The following TNC variants were observed in gnomAD, a reference collection of about 807,000 sequenced individuals.
The protein encoded by TNC is tenascin C, also known as tenascin.
In TNC, 109 loss-of-function variants were observed where a neutral mutation model predicts 202.4. The observed-to-expected ratio is 0.54, with a 90% CI of 0.46 to 0.63. TNC has a LOEUF of 0.63. TNC is among the 30% of genes least tolerant of loss of function. The pLI is 0.00. For synonymous variants in TNC, 1,007 were observed against 1,089.7 expected (o/e 0.92, Z 1.50); for missense variants, 2,756 against 2,833.3 (o/e 0.97, Z 0.62).
chr9:115,103,596 C>T (rs1836398842), intron 1 of TNC, among the ~76,000 whole-genome samples: 1 of 152,116 alleles, frequency 6.6e-6, no homozygotes, highest in South Asian at 2.1e-4. Context: ...CTTGAGGTCT[C>T]AGTTTCTCTT....
At chr9:115,098,938 A>ATTTTTTTTTTTT (rs35624621) in intron 1 of TNC, among the ~76,000 whole-genome samples, 2 of 127,328 alleles carry the variant, frequency 1.6e-5, no homozygotes. Flanking sequence ...TTAAGTGTGT[A>ATTTTTTTTTTTT]TTTTTTTTTT....
At chr9:115,027,515 A>G (rs1587992949) in intron 25 of TNC, among the ~76,000 whole-genome samples, 2 of 151,874 alleles carry the variant, frequency 1.3e-5, no homozygotes, top group Admixed American at 6.5e-5. Flanking sequence ...GCTTGAACCC[A>G]GGAGGCAGAG....
In TNC at chr9:115,090,906, T is replaced by C. The variant is rs1319419219; in HGVS notation, c.113A>G (p.Asn38Ser). ...CTGGTTCTCTTCTGGCAGGGTGGCG[T>C]TCACCCCACTCTGTCGCTTGTGCCG... is the stretch of plus-strand genomic sequence containing the variant. ...VIRHKRQSGVNATLPEENQPV... is the reference protein window; with the variant it reads ...VIRHKRQSGVSATLPEENQPV... The change falls in exon 2 of 28, where the codon AAC (asparagine) becomes AGC (serine). Residue 38 changes from asparagine (N) to serine (S), a missense_variant. Around this residue, in one of 2 missense-constraint regions of TNC, gnomAD observed 2,559 missense variants for 2,546.0 expected, o/e 1.01. Transcript: ENST00000350763. The C allele has an allele frequency of 1.2e-6, 2 of 1,614,106 alleles. No homozygotes were observed. Among genetic ancestry groups the C allele is most frequent in the African/African-American group, 1.3e-5 (1 of 75,018 alleles).
chr9:115,082,060 A>G lies in TNC; in HGVS notation c.2248-132T>C, dbSNP rs1834347793. 3 of 807,234 alleles carry G rather than the reference A, an allele frequency of 3.7e-6. No individual in the cohort carries two copies. The Admixed American group carries it at 9.3e-5, about 25-fold the overall frequency. 50.0% of individuals were successfully genotyped at this position (807,234 alleles called of 1,614,324 possible). A position where few individuals can be genotyped will look rare whatever the true frequency, so the allele number is the denominator to read the frequency against. On this transcript the variant is annotated intron_variant, in intron 5 of 27. Transcript: ENST00000350763. ...ATTCATTAGGCACTTACTATGCATCAGATCAGTATGTAAGCTACTGAGGAT... is the reference window on the plus strand; with the variant it reads ...ATTCATTAGGCACTTACTATGCATCGGATCAGTATGTAAGCTACTGAGGAT...
At chr9:115,051,331 A>G (rs966863749) in intron 15 of TNC, among the ~76,000 whole-genome samples, 1 of 152,126 alleles carries the variant, frequency 6.6e-6, no homozygotes, top group Non-Finnish European at 1.5e-5. Flanking sequence ...TAAAAAAACC[A>G]GAGAAGTTAA....
chr9:115,064,981 C>A, intron 10 of TNC, 62 bp from the exon 11 acceptor site: 1 of 1,562,902 alleles, frequency 6.4e-7, no homozygotes, highest in Non-Finnish European at 8.6e-7. Context: ...CTTCTGAGAA[C>A]CTGGGAATGG....
intron 22 of TNC, among the ~76,000 whole-genome samples, chr9:115,032,822 G>A (rs1830050039): frequency 6.6e-6 from 1 of 152,222 alleles, no homozygotes; most frequent in South Asian, 2.1e-4. Context: ...GCTGGTCTCT[G>A]TGCTGCTGTA....
chr9:115,030,882 A>G (rs1474239452), intron 23 of TNC, among the ~76,000 whole-genome samples: 1 of 152,220 alleles, frequency 6.6e-6, no homozygotes, highest in Non-Finnish European at 1.5e-5. Context: ...CAGGTTTGCT[A>G]TCTGCAGAAG....
chr9:115,032,078 C>A (rs1255108255), intron 22 of TNC, among the ~76,000 whole-genome samples: 1 of 151,974 alleles, frequency 6.6e-6, no homozygotes, highest in African/African-American at 2.4e-5. Context: ...AGCCATGGGG[C>A]CCAGATATTT....
chr9:115,029,329 T>C (rs150824308), intron 25 of TNC, 31 bp downstream of exon 25: 1 of 1,605,274 alleles, frequency 6.2e-7, no homozygotes, highest in Non-Finnish European at 8.5e-7. Flanking sequence ...GAATCAGGCA[T>C]TTTAGATATA....
chr9:115,055,622 G>A (rs1349635441), intron 15 of TNC: 1 of 152,482 alleles, frequency 6.6e-6, no homozygotes, highest in Non-Finnish European at 1.5e-5. Context: ...GGTCTCATGG[G>A]GGTGATCGGA....
chr9:115,093,959 A>G (rs1054513738), intron 1 of TNC, among the ~76,000 whole-genome samples: 11 of 152,174 alleles, frequency 7.2e-5, no homozygotes, highest in African/African-American at 2.2e-4. Flanking sequence ...GGAAAAATCC[A>G]TTATATTTTC....
intron 1 of TNC, among the ~76,000 whole-genome samples, chr9:115,107,405 T>G (rs2482080): frequency 0.45 from 68,046 of 152,052 alleles, 15,476 homozygotes; most frequent in Admixed American, 0.52. Flanking sequence ...TAGTAGTTAT[T>G]CAATAAATGA....
intron 15 of TNC, among the ~76,000 whole-genome samples, chr9:115,055,039 G>C (rs564469615): frequency 6.6e-6 from 1 of 152,272 alleles, no homozygotes; most frequent in South Asian, 2.1e-4. Flanking sequence ...AATCCTGCTA[G>C]AGAGAAAAAG....
intron 13 of TNC, among the ~76,000 whole-genome samples, chr9:115,060,910 T>A (rs984579163): frequency 3.3e-5 from 5 of 152,216 alleles, no homozygotes; most frequent in Admixed American, 3.3e-4. Flanking sequence ...TGCCTACTTT[T>A]AATTAAAAGA....
intron 15 of TNC, among the ~76,000 whole-genome samples, chr9:115,051,734 C>T (rs963198296): frequency 2.0e-5 from 3 of 151,856 alleles, no homozygotes; most frequent in East Asian, 1.9e-4. Context: ...GATTTATGAA[C>T]AGGATTTCGA....
intron 10 of TNC, among the ~76,000 whole-genome samples, chr9:115,065,373 G>A (rs4394462): frequency 0.098 from 14,878 of 152,216 alleles, 780 homozygotes; most frequent in Middle Eastern, 0.16. Flanking sequence ...TCCAGTCTGG[G>A]GGATAGAGTG....
intron 10 of TNC, among the ~76,000 whole-genome samples, chr9:115,071,400 T>G (rs560929037): frequency 6.6e-5 from 10 of 152,282 alleles, no homozygotes; most frequent in African/African-American, 2.4e-4. Context: ...GGTGGGGAAA[T>G]GCAACTGCTG....
intron 1 of TNC, among the ~76,000 whole-genome samples, chr9:115,092,729 A>G (rs1588184450): frequency 6.8e-6 from 1 of 147,554 alleles, no homozygotes; most frequent in African/African-American, 2.5e-5. Context: ...GCACACTGCC[A>G]TGCCTGGCTG....
Sources: gnomAD v4.1 joint callset for allele counts (sites outside exome capture counted in the v4.1 genomes callset) on GRCh38, gnomAD v4.1.1 for gene constraint, gnomAD v4.1.1 regional missense constraint, MANE v1.5 for transcripts, NCBI Gene and HGNC (gene_info 2026-07-23, HGNC 2026-07-21) for gene names.